The following GRM8 variants were observed in gnomAD, a reference collection of about 807,000 sequenced individuals.
GRM8 encodes the protein metabotropic glutamate receptor 8.
In GRM8, 47 loss-of-function variants were observed where a neutral mutation model predicts 87.2. That is an observed-to-expected ratio of 0.54 (90% CI 0.43 to 0.69). The LOEUF (loss-of-function observed/expected upper bound fraction) is 0.69, where lower values mean the gene tolerates loss of function less well. Ranked by LOEUF, GRM8 falls within the 30% of genes least tolerant of loss-of-function variation. The pLI, the probability that GRM8 is intolerant of heterozygous loss-of-function variation, is 0.00. For missense variants in GRM8, 1,019 were observed against 1,139.2 expected, an observed-to-expected ratio of 0.89 and a Z score of 1.52; for synonymous variants, 396 against 404.5, an observed-to-expected ratio of 0.98 and a Z score of 0.25.
At chr7:126,985,697 T>C (rs1008957360) in intron 3 of GRM8, among the ~76,000 whole-genome samples, 2 of 152,160 alleles carry the variant, frequency 1.3e-5, no homozygotes, top group Non-Finnish European at 2.9e-5. Context: ...CTGAGCATGC[T>C]TACTCAGGTC....
At chr7:126,855,618 G>A (rs1797606706) in intron 6 of GRM8, among the ~76,000 whole-genome samples, 1 of 151,978 alleles carries the variant, frequency 6.6e-6, no homozygotes, top group Non-Finnish European at 1.5e-5. Flanking sequence ...TGGGATTACA[G>A]GCATGTACCA....
chr7:127,048,391 T>G (rs1304291527), intron 3 of GRM8, among the ~76,000 whole-genome samples: 1 of 152,178 alleles, frequency 6.6e-6, no homozygotes, highest in Non-Finnish European at 1.5e-5. Flanking sequence ...GAGGCCCTGG[T>G]GGGCTTTACT....
intron 7 of GRM8, among the ~76,000 whole-genome samples, chr7:126,737,975 G>A (rs1193955809): frequency 6.6e-6 from 1 of 152,058 alleles, no homozygotes; most frequent in Non-Finnish European, 1.5e-5. Context: ...CCTCAGTTTT[G>A]AAAGATAAAG....
intron 7 of GRM8, among the ~76,000 whole-genome samples, chr7:126,683,067 C>A (rs1238524492): frequency 1.3e-5 from 2 of 151,528 alleles, no homozygotes; most frequent in African/African-American, 4.9e-5. Flanking sequence ...CAAAACAAAA[C>A]AAAAAAAAGT....
At chr7:126,581,522 A>G (rs1441062995) in intron 8 of GRM8, among the ~76,000 whole-genome samples, 2 of 152,126 alleles carry the variant, frequency 1.3e-5, no homozygotes. Flanking sequence ...GACAGAATTG[A>G]GACGTGATCA....
At chr7:126,761,423 A>G (rs973637505) in intron 7 of GRM8, among the ~76,000 whole-genome samples, 1 of 152,050 alleles carries the variant, frequency 6.6e-6, no homozygotes, top group Non-Finnish European at 1.5e-5. Context: ...TCCTTCCTCT[A>G]TCTTTGACTT....
rs1204531356 is a variant in GRM8 at position 127,252,414 on chromosome 7, G to A, written c.-312+383C>T. 6.6e-6 allele frequency: 1 copy of A among 152,206 alleles called. No homozygotes were observed. The allele number at this position is 152,206 out of a possible 1,614,324, so 9.4% of individuals were successfully genotyped here. On this transcript the variant is annotated intron_variant, in intron 1 of 10. Transcript: ENST00000339582. The surrounding 1 kb of genome is among the most constrained non-coding windows in gnomAD (Gnocchi z 4.9). Reference sequence around the variant, plus strand: ...GGCAGACAAGAGGGGTGGCTGCCTTGTTCTTTGCAACGTAAAATCAACAGA... The same window carrying A: ...GGCAGACAAGAGGGGTGGCTGCCTTATTCTTTGCAACGTAAAATCAACAGA...
intron 3 of GRM8, among the ~76,000 whole-genome samples, chr7:127,036,218 A>T (rs758787652): frequency 6.6e-6 from 1 of 152,140 alleles, no homozygotes; most frequent in African/African-American, 2.4e-5. Context: ...ATTAAAAAAA[A>T]ACTGAGGTAT....
At chr7:126,510,354 G>C (rs1164819839) in intron 9 of GRM8, among the ~76,000 whole-genome samples, 1 of 149,540 alleles carries the variant, frequency 6.7e-6, no homozygotes, top group African/African-American at 2.5e-5. Flanking sequence ...CCAAATAAAA[G>C]ATGATGTGAT....
chr7:126,775,040 C>T (rs1819261310), intron 6 of GRM8, among the ~76,000 whole-genome samples: 2 of 152,062 alleles, frequency 1.3e-5, no homozygotes, highest in East Asian at 3.9e-4. Flanking sequence ...ATCAAACATC[C>T]AATTGGTTGC....
intron 2 of GRM8, among the ~76,000 whole-genome samples, chr7:127,157,451 C>T (rs187928171): frequency 4.0e-4 from 61 of 152,170 alleles, no homozygotes; most frequent in African/African-American, 1.4e-3. Context: ...TTATTAATTG[C>T]ATAACACAAA....
intron 3 of GRM8, among the ~76,000 whole-genome samples, chr7:126,950,052 G>T (rs1013747800): frequency 6.6e-6 from 1 of 152,144 alleles, no homozygotes; most frequent in African/African-American, 2.4e-5. Context: ...AAAAGCAATG[G>T]CTCGATTCCT....
intron 8 of GRM8, among the ~76,000 whole-genome samples, chr7:126,590,447 A>G (rs750706646): frequency 2.6e-5 from 4 of 152,152 alleles, no homozygotes; most frequent in Non-Finnish European, 5.9e-5. Flanking sequence ...TGGAAAACAT[A>G]TATGGGAGAA....
At chr7:127,137,196 C>CA (rs1193108691) in intron 2 of GRM8, among the ~76,000 whole-genome samples, 2 of 151,792 alleles carry the variant, frequency 1.3e-5, no homozygotes, top group Admixed American at 1.3e-4. Flanking sequence ...AGTTTATACA[C>CA]ATACACATGC....
chr7:126,501,786 A>C (rs1809686187), intron 9 of GRM8, among the ~76,000 whole-genome samples: 1 of 151,940 alleles, frequency 6.6e-6, no homozygotes, highest in South Asian at 2.1e-4. Flanking sequence ...AGGCTGCTAC[A>C]AGAAGGGAGA....
At chr7:126,753,483 T>A (rs925256836) in intron 7 of GRM8, among the ~76,000 whole-genome samples, 1 of 151,598 alleles carries the variant, frequency 6.6e-6, no homozygotes, top group African/African-American at 2.4e-5. Flanking sequence ...TATACACACA[T>A]ACACACACAT....
At chr7:126,514,677 T>C (rs893132987) in intron 9 of GRM8, among the ~76,000 whole-genome samples, 1 of 152,046 alleles carries the variant, frequency 6.6e-6, no homozygotes, top group Admixed American at 6.6e-5. Context: ...ATATCAATGC[T>C]TATAAAATTA....
chr7:126,440,437 T>C (rs1287507294), intron 10 of GRM8, among the ~76,000 whole-genome samples: 1 of 149,808 alleles, frequency 6.7e-6, no homozygotes, highest in Non-Finnish European at 1.5e-5. Context: ...AAAAAAAATT[T>C]ACAGTACTGC....
At chr7:127,152,921 T>A (rs1792487565) in intron 2 of GRM8, among the ~76,000 whole-genome samples, 1 of 152,156 alleles carries the variant, frequency 6.6e-6, no homozygotes, top group Non-Finnish European at 1.5e-5. Flanking sequence ...ATCATAGGCA[T>A]TCCATTTGTA....
Sources: allele counts gnomAD v4.1 joint callset (sites outside exome capture counted in the v4.1 genomes callset), GRCh38; gene constraint gnomAD v4.1.1; non-coding constraint Gnocchi (gnomAD v3.1); transcripts MANE v1.5; gene names NCBI Gene and HGNC (gene_info 2026-07-23, HGNC 2026-07-21).